SCFD2: variants seen among roughly 807,000 people sequenced by gnomAD.
The protein encoded by SCFD2 is sec1 family domain-containing protein 2.
SCFD2 carries 54 observed loss-of-function variants against 58.9 expected under a neutral mutation model. That is an observed-to-expected ratio of 0.92 (90% CI 0.74 to 1.15). The LOEUF (loss-of-function observed/expected upper bound fraction) is 1.15, where lower values mean the gene tolerates loss of function less well. SCFD2 is among the 50% of genes most tolerant of loss of function. The pLI, the probability that SCFD2 is intolerant of heterozygous loss-of-function variation, is 0.00. For synonymous variants in SCFD2, 321 were observed against 335.9 expected, an observed-to-expected ratio of 0.96 and a Z score of 0.49; for missense variants, 805 against 836.6, an observed-to-expected ratio of 0.96 and a Z score of 0.47.
At chr4:52,930,152 C>A (rs1719955837) in intron 5 of SCFD2, among the ~76,000 whole-genome samples, 1 of 152,250 alleles carries the variant, frequency 6.6e-6, no homozygotes, top group Non-Finnish European at 1.5e-5. Flanking sequence ...GGTACAAAGA[C>A]AGACACATAG....
At chr4:53,266,331 G>A (rs1448555474) in intron 4 of SCFD2, among the ~76,000 whole-genome samples, 1 of 152,140 alleles carries the variant, frequency 6.6e-6, no homozygotes, top group African/African-American at 2.4e-5. Flanking sequence ...AGGATTTACT[G>A]TACTTAGTTA....
chr4:53,331,772 C>A (rs1434591511), intron 2 of SCFD2, among the ~76,000 whole-genome samples: 1 of 152,000 alleles, frequency 6.6e-6, no homozygotes, highest in Non-Finnish European at 1.5e-5. Context: ...GAAATAGAGA[C>A]ACAAAAAACC....
At chr4:53,012,234 C>T (rs1054890425) in intron 5 of SCFD2, among the ~76,000 whole-genome samples, 25 of 152,020 alleles carry the variant, frequency 1.6e-4, no homozygotes, top group Admixed American at 5.2e-4. Flanking sequence ...GATTCCAAAC[C>T]GTGAAATCGA....
At chr4:53,284,084 A>G (rs1427658983) in intron 3 of SCFD2, among the ~76,000 whole-genome samples, 1 of 147,288 alleles carries the variant, frequency 6.8e-6, no homozygotes, top group Admixed American at 7.0e-5. Context: ...GTGCCACTGT[A>G]CTCCAGCCTG....
chr4:53,021,408 G>T (rs1470743052), intron 5 of SCFD2, among the ~76,000 whole-genome samples: 6 of 152,016 alleles, frequency 3.9e-5, no homozygotes, highest in Non-Finnish European at 8.8e-5. Context: ...ATTTATTCCT[G>T]TAGGTTTAGT....
chr4:53,330,087 G>T (rs534497003), intron 2 of SCFD2, among the ~76,000 whole-genome samples: 18 of 152,122 alleles, frequency 1.2e-4, no homozygotes, highest in African/African-American at 4.3e-4. Context: ...AAGAAATATG[G>T]GACTATGTGA....
In SCFD2 at chr4:53,365,609, G is replaced by C; in HGVS notation, c.333C>G (p.Val111=). The C allele has an allele frequency of 1.2e-6, 2 of 1,614,230 alleles. No individual in the cohort carries two copies. Among genetic ancestry groups the C allele is most frequent in the Non-Finnish European group, 1.7e-6 (2 of 1,180,044 alleles). ...CTGGGACATGATTAGCTGTGAGGTG[G>C]ACAGCGTGGCTCACGGTTGTGACCA... ...CVVVTTVSHA[V]HLTANHVPAA... The change falls in exon 1 of 9, where the codon GTC becomes GTG. Residue 111 remains valine (V), a synonymous_variant. Coordinates refer to ENST00000401642, the MANE Select transcript of SCFD2 (RefSeq NM_152540.4). The surrounding 1 kb of genome is among the most constrained non-coding windows in gnomAD (Gnocchi z 4.3).
At chr4:53,041,673 G>C (rs1288268444) in intron 5 of SCFD2, among the ~76,000 whole-genome samples, 1 of 152,138 alleles carries the variant, frequency 6.6e-6, no homozygotes, top group East Asian at 1.9e-4. Flanking sequence ...AAATGGAAGT[G>C]TTCACCTTGT....
chr4:53,243,567 C>T (rs1729967605), intron 4 of SCFD2, among the ~76,000 whole-genome samples: 2 of 152,144 alleles, frequency 1.3e-5, no homozygotes, highest in Non-Finnish European at 2.9e-5. Context: ...AGCAACTATA[C>T]AAACAAGTTG....
At chr4:53,177,827 C>T (rs557031299) in intron 4 of SCFD2, among the ~76,000 whole-genome samples, 1 of 152,294 alleles carries the variant, frequency 6.6e-6, no homozygotes, top group East Asian at 1.9e-4. Flanking sequence ...TTCTGATGGG[C>T]TTAAAAAATG....
chr4:52,918,813 G>A (rs1283121643), intron 6 of SCFD2, among the ~76,000 whole-genome samples: 1 of 152,130 alleles, frequency 6.6e-6, no homozygotes, highest in Non-Finnish European at 1.5e-5. Flanking sequence ...CGGACCTTGG[G>A]CCAAGGATTC....
intron 2 of SCFD2, among the ~76,000 whole-genome samples, chr4:53,323,619 A>G (rs1396202000): frequency 6.8e-6 from 1 of 146,630 alleles, no homozygotes; most frequent in East Asian, 2.0e-4. Flanking sequence ...GGCTCAAGCC[A>G]TCCTCCTACC....
intron 2 of SCFD2, among the ~76,000 whole-genome samples, chr4:53,330,516 A>G (rs190020457): frequency 3.9e-4 from 60 of 152,342 alleles, no homozygotes; most frequent in African/African-American, 1.4e-3. Context: ...GTGAAGGACA[A>G]ATAAAATACT....
At chr4:53,256,384 G>A (rs564139243) in intron 4 of SCFD2, among the ~76,000 whole-genome samples, 10 of 150,608 alleles carry the variant, frequency 6.6e-5, no homozygotes, top group Admixed American at 2.0e-4. Flanking sequence ...GGGCAGAGAC[G>A]CTCCCCACTT....
chr4:52,995,029 G>C (rs545017020), intron 5 of SCFD2, among the ~76,000 whole-genome samples: 1 of 152,270 alleles, frequency 6.6e-6, no homozygotes, highest in South Asian at 2.1e-4. Context: ...CCATGAATCA[G>C]GGGGGTGGCA....
At chr4:53,082,219 G>C (rs769168777) in intron 5 of SCFD2, among the ~76,000 whole-genome samples, 1 of 152,126 alleles carries the variant, frequency 6.6e-6, no homozygotes, top group Non-Finnish European at 1.5e-5. Context: ...GAGTGGAATT[G>C]CTGGGCGTAT....
At chr4:53,340,221 C>T (rs1465592058) in intron 2 of SCFD2, among the ~76,000 whole-genome samples, 2 of 152,020 alleles carry the variant, frequency 1.3e-5, no homozygotes, top group East Asian at 1.9e-4. Context: ...CCAAGGGAAG[C>T]TGTGACAGAC....
At chr4:53,269,207 C>A (rs1193561257) in intron 4 of SCFD2, among the ~76,000 whole-genome samples, 2 of 152,082 alleles carry the variant, frequency 1.3e-5, no homozygotes, top group Non-Finnish European at 2.9e-5. Context: ...TTCCTGTAGT[C>A]CCAGCTACTC....
intron 5 of SCFD2, among the ~76,000 whole-genome samples, chr4:52,951,690 C>T (rs1329449581): frequency 6.6e-6 from 1 of 152,122 alleles, no homozygotes; most frequent in Non-Finnish European, 1.5e-5. Context: ...TACACGAGAC[C>T]CTCCAGCTCA....
Sources: gnomAD v4.1 joint callset for allele counts (sites outside exome capture counted in the v4.1 genomes callset) on GRCh38, gnomAD v4.1.1 for gene constraint, Gnocchi (gnomAD v3.1) non-coding constraint, MANE v1.5 for transcripts, NCBI Gene and HGNC (gene_info 2026-07-23, HGNC 2026-07-21) for gene names.